DENND4A: variants seen among roughly 807,000 people sequenced by gnomAD.
DENND4A encodes the protein C-myc promoter-binding protein.
A neutral mutation model predicts 199.3 loss-of-function variants in DENND4A; 70 were observed. The ratio of observed to expected loss-of-function variants is 0.35; its 90% CI spans 0.29 to 0.43. DENND4A has a LOEUF of 0.43. Ranked by LOEUF, DENND4A falls within the 20% of genes least tolerant of loss-of-function variation. DENND4A has a pLI of 1.00. For synonymous variants in DENND4A, 686 were observed against 766.9 expected (o/e 0.89, Z 1.74); for missense variants, 1,723 against 2,255.8 (o/e 0.76, Z 4.78).
intron 1 of DENND4A, chr15:65,771,867 A>T: frequency 6.2e-7 from 1 of 1,612,072 alleles, no homozygotes; most frequent in Non-Finnish European, 8.5e-7. Flanking sequence ...CAACCTTTTT[A>T]AAAGCATCTG....
intron 27 of DENND4A, 81 bp downstream of exon 27, chr15:65,669,698 G>T (rs1263835412): frequency 7.3e-6 from 9 of 1,230,968 alleles, no homozygotes; most frequent in Non-Finnish European, 6.7e-6. Flanking sequence ...CCTGGAAATG[G>T]TCAACTAATT....
At chr15:65,672,360 C>T (rs2076242482) in intron 24 of DENND4A, among the ~76,000 whole-genome samples, 1 of 152,120 alleles carries the variant, frequency 6.6e-6, no homozygotes, top group Admixed American at 6.5e-5. Context: ...CATGGTGGCT[C>T]ATGCCTGTAA....
chr15:65,741,624 T>C, intron 5 of DENND4A, 91 bp downstream of exon 5: 1 of 1,004,284 alleles, frequency 1.0e-6, no homozygotes. Flanking sequence ...GTCCTGATAC[T>C]AACACAGACT....
chr15:65,677,929 T>C (rs1226897484), intron 23 of DENND4A, among the ~76,000 whole-genome samples: 4 of 139,300 alleles, frequency 2.9e-5, no homozygotes, highest in South Asian at 2.2e-4. Flanking sequence ...TCTTATCTCT[T>C]TTTTTTTTTT....
chr15:65,689,276 C>A (rs541140958), intron 23 of DENND4A, among the ~76,000 whole-genome samples: 1 of 152,180 alleles, frequency 6.6e-6, no homozygotes, highest in East Asian at 1.9e-4. Flanking sequence ...ATTTCAAAGT[C>A]CCTTGTTAAT....
chr15:65,718,101 CTCTT>C, intron 12 of DENND4A, 105 bp from the exon 13 acceptor site: 1 of 811,432 alleles, frequency 1.2e-6, no homozygotes, highest in Non-Finnish European at 1.9e-6. Context: ...GCTACCTCAA[CTCTT>C]TGTTTACATA....
At chr15:65,709,710 A>ATAAAT (rs2075175454) in intron 14 of DENND4A, among the ~76,000 whole-genome samples, 1 of 128,378 alleles carries the variant, frequency 7.8e-6, no homozygotes, top group Non-Finnish European at 1.6e-5. Flanking sequence ...AAAAAAAAAA[A>ATAAAT]AAAAAAAAAA....
At chr15:65,783,808 A>G (rs188119096) in intron 1 of DENND4A, among the ~76,000 whole-genome samples, 29 of 152,336 alleles carry the variant, frequency 1.9e-4, no homozygotes, top group Non-Finnish European at 4.4e-5. Context: ...ATATAAATAA[A>G]TGATTGAATA....
intron 11 of DENND4A, among the ~76,000 whole-genome samples, chr15:65,725,693 A>AT (rs1161851110): frequency 1.0e-5 from 1 of 99,342 alleles, no homozygotes; most frequent in Non-Finnish European, 2.2e-5. Context: ...TAAAAATAAA[A>AT]AAAATAAAAA....
intron 23 of DENND4A, among the ~76,000 whole-genome samples, chr15:65,687,880 T>G (rs936865782): frequency 3.3e-5 from 5 of 152,206 alleles, no homozygotes. Flanking sequence ...GTTTTGAGTT[T>G]AATTCTGTCT....
chr15:65,711,475 A>G (rs1350463792), intron 14 of DENND4A, among the ~76,000 whole-genome samples: 3 of 152,230 alleles, frequency 2.0e-5, no homozygotes, highest in African/African-American at 7.2e-5. Flanking sequence ...CCTGGGTGAC[A>G]GAGAGAGGCC....
intron 1 of DENND4A, among the ~76,000 whole-genome samples, chr15:65,778,293 G>C (rs1006133989): frequency 6.6e-6 from 1 of 151,934 alleles, no homozygotes; most frequent in East Asian, 1.9e-4. Flanking sequence ...TGACCAAAAA[G>C]GGGGTGAGGT....
chr15:65,772,297 T>A (rs1223977503), intron 1 of DENND4A, among the ~76,000 whole-genome samples: 3 of 152,226 alleles, frequency 2.0e-5, no homozygotes, highest in Non-Finnish European at 4.4e-5. Context: ...TGGACATGTA[T>A]CAGTTTTATT....
At chr15:65,767,757 A>T (rs2077023395) in intron 1 of DENND4A, among the ~76,000 whole-genome samples, 1 of 152,252 alleles carries the variant, frequency 6.6e-6, no homozygotes, top group Admixed American at 6.5e-5. Flanking sequence ...AGGAATCTAC[A>T]GCAAAATAGC....
chr15:65,727,452 C>CAAA (rs35066518), intron 11 of DENND4A, among the ~76,000 whole-genome samples: 2 of 68,732 alleles, frequency 2.9e-5, no homozygotes, highest in African/African-American at 5.8e-5. Flanking sequence ...GACTCCGTCT[C>CAAA]AAAAAAAAAA....
chr15:65,682,500 C>T (rs139563493), intron 23 of DENND4A, among the ~76,000 whole-genome samples: 56 of 152,260 alleles, frequency 3.7e-4, no homozygotes, highest in Middle Eastern at 3.4e-3. Flanking sequence ...CTGGATTAGG[C>T]TTTAGCTTAA....
At chr15:65,727,445 T>C (rs1430198468) in intron 11 of DENND4A, among the ~76,000 whole-genome samples, 1 of 107,976 alleles carries the variant, frequency 9.3e-6, no homozygotes, top group African/African-American at 3.7e-5. Flanking sequence ...AAAGCGAGAC[T>C]CCGTCTCAAA....
chr15:65,666,628 C>T (rs2076045785), intron 29 of DENND4A, among the ~76,000 whole-genome samples: 1 of 151,938 alleles, frequency 6.6e-6, no homozygotes, highest in South Asian at 2.1e-4. Context: ...AAGTGTTAGG[C>T]TTGGGCTGGA....
In DENND4A at chr15:65,661,714, A is replaced by C; in HGVS notation, c.*137T>G. The C allele has an allele frequency of 1.4e-6, 1 of 716,946 alleles. No individual in the cohort carries two copies. Among genetic ancestry groups the C allele is most frequent in the Non-Finnish European group, 2.1e-6 (1 of 467,260 alleles). The allele number at this position is 716,946 out of a possible 1,614,324, so 44.4% of individuals were successfully genotyped here. On this transcript the variant is annotated 3_prime_UTR_variant, in exon 33 of 33. Transcript: ENST00000443035. Reference sequence around the variant, plus strand: ...ATTCTCTTCTTCAAACATTCTGTACATAAGCTGTCTGAGTCTTTTGAACCA... The same window carrying C: ...ATTCTCTTCTTCAAACATTCTGTACCTAAGCTGTCTGAGTCTTTTGAACCA...
Sources: gnomAD v4.1 joint callset for allele counts (sites outside exome capture counted in the v4.1 genomes callset) on GRCh38, gnomAD v4.1.1 for gene constraint, MANE v1.5 for transcripts, NCBI Gene and HGNC (gene_info 2026-07-23, HGNC 2026-07-21) for gene names.